ABCC9: variants seen among roughly 807,000 people sequenced by gnomAD.
ABCC9 encodes ATP-binding cassette sub-family C member 9.
A neutral mutation model predicts 188.3 loss-of-function variants in ABCC9; 95 were observed. That is an observed-to-expected ratio of 0.50 (90% CI 0.43 to 0.60). ABCC9 has a LOEUF of 0.60. ABCC9 is among the 20% of genes least tolerant of loss of function. The pLI, the probability that ABCC9 is intolerant of heterozygous loss-of-function variation, is 0.00. For synonymous variants in ABCC9, 659 were observed against 652.7 expected, an observed-to-expected ratio of 1.01 and a Z score of -0.15; for missense variants, 1,102 against 1,876.3, an observed-to-expected ratio of 0.59 and a Z score of 7.62.
chr12:21,938,821 G>A (rs558271247), intron 2 of ABCC9, among the ~76,000 whole-genome samples: 2 of 152,114 alleles, frequency 1.3e-5, no homozygotes, highest in African/African-American at 2.4e-5. Context: ...CAATTAAATC[G>A]CCTTTGGATA....
At chr12:21,809,334 C>T (rs968319057) in intron 37 of ABCC9, among the ~76,000 whole-genome samples, 4 of 151,962 alleles carry the variant, frequency 2.6e-5, no homozygotes, top group African/African-American at 9.7e-5. Flanking sequence ...TTGATACTGC[C>T]TCAAGGCAAT....
chr12:21,869,215 G>A (rs1210134599), intron 18 of ABCC9, among the ~76,000 whole-genome samples: 2 of 152,110 alleles, frequency 1.3e-5, no homozygotes, highest in Admixed American at 6.6e-5. Flanking sequence ...TAGGTTACAG[G>A]AATTTTATAA....
intron 35 of ABCC9, among the ~76,000 whole-genome samples, chr12:21,814,393 T>A (rs1002511136): frequency 9.9e-5 from 15 of 152,192 alleles, no homozygotes; most frequent in African/African-American, 3.6e-4. Flanking sequence ...CTTGTTTTCA[T>A]TTTACAAGTT....
intron 16 of ABCC9, among the ~76,000 whole-genome samples, chr12:21,881,441 GA>G (rs925727351): frequency 3.3e-5 from 5 of 151,340 alleles, no homozygotes; most frequent in Admixed American, 6.6e-5. Flanking sequence ...GTCAATTTTG[GA>G]AAAAAAATTC....
At chr12:21,835,707 CT>C (rs1418350277) in intron 30 of ABCC9, among the ~76,000 whole-genome samples, 1 of 152,230 alleles carries the variant, frequency 6.6e-6, no homozygotes, top group East Asian at 1.9e-4. Flanking sequence ...CTCCTCTTTT[CT>C]TAGTCTACAC....
chr12:21,835,455 A>C lies in ABCC9; in HGVS notation c.3566+2623T>G, dbSNP rs1314189944. Among the ~76,000 whole-genome samples the C allele has an allele frequency of 2.6e-5, 4 of 152,186 alleles. No individual in the cohort carries two copies. The East Asian group carries it at 7.7e-4, about 29-fold the overall frequency. ...AAGGACATGGACTCTACATTCTCAC[A>C]TTCAGAGAAGGCTTACCACAGTAGA... On this transcript the variant is annotated intron_variant, in intron 30 of 39. Transcript: ENST00000261200.
intron 37 of ABCC9, among the ~76,000 whole-genome samples, chr12:21,809,465 A>C (rs1359368603): frequency 1.3e-5 from 2 of 152,228 alleles, no homozygotes; most frequent in Non-Finnish European, 2.9e-5. Context: ...AAGTGGTGCC[A>C]AAGACTTAAA....
chr12:21,842,587 AT>A (rs1944451125), intron 28 of ABCC9, 116 bp from the exon 29 acceptor site: 18 of 1,018,604 alleles, frequency 1.8e-5, no homozygotes, highest in Non-Finnish European at 2.8e-5. Context: ...AAAGTAGTGT[AT>A]AAGCATGTTC....
intron 16 of ABCC9, among the ~76,000 whole-genome samples, chr12:21,882,061 C>T: frequency 6.6e-6 from 1 of 152,138 alleles, no homozygotes; most frequent in East Asian, 1.9e-4. Context: ...CTTGGCTCTA[C>T]TATAAACCCC....
At chr12:21,936,818 G>T in intron 2 of ABCC9, 124 bp from the exon 3 acceptor site, 1 of 687,986 alleles carries the variant, frequency 1.5e-6, no homozygotes, top group Non-Finnish European at 2.4e-6. Context: ...GATAGCTGAG[G>T]AAATAAGAAA....
chr12:21,855,172 T>C (rs1032515602), intron 22 of ABCC9, among the ~76,000 whole-genome samples: 4 of 152,160 alleles, frequency 2.6e-5, no homozygotes, highest in African/African-American at 9.7e-5. Flanking sequence ...AATAAATTTT[T>C]ATAATAATTC....
chr12:21,939,479 T>C (rs1473281932), intron 2 of ABCC9, among the ~76,000 whole-genome samples: 1 of 152,212 alleles, frequency 6.6e-6, no homozygotes, highest in Non-Finnish European at 1.5e-5. Context: ...TTTCCAATTG[T>C]CATTTAATGT....
In ABCC9 at chr12:21,915,612, A is replaced by C. The variant is rs1044308742; in HGVS notation, c.816+56T>G. 1.8e-5 allele frequency: 28 copies of C among 1,593,038 alleles called. No homozygotes were observed. In the African/African-American group the frequency reaches 3.6e-4, roughly 20 times the overall value. On this transcript the variant is annotated intron_variant, in intron 7 of 39. Transcript: ENST00000261200. ...ACTGCAAGCTCTGCCTCCCAGGTTCATGCCAACAGGACCATTCTCTGTAAT... is the reference window on the plus strand; with the variant it reads ...ACTGCAAGCTCTGCCTCCCAGGTTCCTGCCAACAGGACCATTCTCTGTAAT...
In ABCC9 at chr12:21,851,949, C is replaced by T. The variant is rs571124856; in HGVS notation, c.2769+148G>A. 27 of 970,350 alleles carry T rather than the reference C, an allele frequency of 2.8e-5. No individual in the cohort carries two copies. The Admixed American group carries it at 6.0e-4, about 22-fold the overall frequency. The allele number at this position is 970,350 out of a possible 1,614,324, so 60.1% of individuals were successfully genotyped here. A position where few individuals can be genotyped will look rare whatever the true frequency, so the allele number is the denominator to read the frequency against. ...AAGTACCCTGTTCATTAATAATATG[C>T]AAAGATACAATTGCTTTGGATTTCA... On this transcript the variant is annotated intron_variant, in intron 24 of 39. Transcript: ENST00000261200.
At position 21,862,059 on chromosome 12, in the gene ABCC9, CTCT is replaced by C. The variant is rs537614968; in HGVS notation, c.2339+891_2339+893del. Among the ~76,000 whole-genome samples, 437 of 151,370 alleles carry C rather than the reference CTCT, an allele frequency of 2.9e-3. 2 individuals carry two copies. The highest frequency in any genetic ancestry group is 9.8e-3 in the African/African-American group (405 of 41,206). On this transcript the variant is annotated intron_variant, in intron 20 of 39. Coordinates refer to ENST00000261200, the MANE Select transcript of ABCC9 (RefSeq NM_020297.4). ...TAGTAGAGTCATTCTTCATTCTTCC[CTCT>C]TCTTCTTCCTGTTGATATCTGTCCA...
At chr12:21,925,157 C>T (rs904482801) in intron 5 of ABCC9, 5 of 195,842 alleles carry the variant, frequency 2.6e-5, no homozygotes, top group Non-Finnish European at 5.1e-5. Context: ...AGGTTCATAG[C>T]CCATCTGTGA....
chr12:21,917,069 T>G lies in ABCC9; in HGVS notation c.441A>C (p.Thr147=). 1.2e-6 allele frequency: 2 copies of G among 1,613,882 alleles called. No homozygotes were observed. Among genetic ancestry groups the G allele is most frequent in the Non-Finnish European group, 1.7e-6 (2 of 1,179,822 alleles). Residue 147 remains threonine, a synonymous_variant, in exon 6 of 40, where the codon ACA becomes ACC. Coordinates refer to ENST00000261200, the MANE Select transcript of ABCC9 (RefSeq NM_020297.4). ...LFLYWVMAFI[T]KTIKLVKYCQ... ...AGTACTTAACCAATTTTATTGTTTT[T>G]GTAATAAAGGCCATTACCCAATACA... is the stretch of plus-strand genomic sequence containing the variant.
In ABCC9 at chr12:21,922,543, A is replaced by G. The variant is rs1378816631; in HGVS notation, c.406+3399T>C. On this transcript the variant is annotated intron_variant, in intron 5 of 39. Coordinates refer to ENST00000261200, the MANE Select transcript of ABCC9 (RefSeq NM_020297.4). ...TAAATTTCACATACAATAAAAGGAA[A>G]GCAAAGAAAAATACTTGAAGTAAAG... 3.9e-5 allele frequency among the ~76,000 whole-genome samples: 6 copies of G among 151,920 alleles called. No individual in the cohort carries two copies. In the East Asian group the frequency reaches 7.7e-4, roughly 19 times the overall value.
chr12:21,849,525 T>C (rs1006224067), intron 24 of ABCC9, among the ~76,000 whole-genome samples: 3 of 152,266 alleles, frequency 2.0e-5, no homozygotes, highest in Admixed American at 6.5e-5. Flanking sequence ...TAAACCTTCA[T>C]AATGAAAAGT....
Sources: gnomAD v4.1 joint callset for allele counts (sites outside exome capture counted in the v4.1 genomes callset) on GRCh38, gnomAD v4.1.1 for gene constraint, MANE v1.5 for transcripts, NCBI Gene and HGNC (gene_info 2026-07-23, HGNC 2026-07-21) for gene names.